CDKAL1: variants seen among roughly 807,000 people sequenced by gnomAD.
The protein encoded by CDKAL1 is CDKAL1 threonylcarbamoyladenosine tRNA methylthiotransferase.
A neutral mutation model predicts 68.2 loss-of-function variants in CDKAL1; 32 were observed. The observed-to-expected ratio is 0.47, with a 90% CI of 0.35 to 0.63. The LOEUF (loss-of-function observed/expected upper bound fraction) is 0.63. CDKAL1 is among the 30% of genes least tolerant of loss of function. CDKAL1 has a pLI of 0.00. For missense variants in CDKAL1, 606 were observed against 696.7 expected, an observed-to-expected ratio of 0.87 and a Z score of 1.47; for synonymous variants, 234 against 244.3, an observed-to-expected ratio of 0.96 and a Z score of 0.39.
chr6:20,639,453 C>G (rs900489356), intron 4 of CDKAL1, among the ~76,000 whole-genome samples: 1 of 152,108 alleles, frequency 6.6e-6, no homozygotes, highest in Admixed American at 6.5e-5. Context: ...CTCCTCTACT[C>G]TTTCCTCCTT....
At chr6:20,915,589 T>A (rs1274194268) in intron 9 of CDKAL1, among the ~76,000 whole-genome samples, 1 of 152,208 alleles carries the variant, frequency 6.6e-6, no homozygotes, top group Admixed American at 6.5e-5. Context: ...TTATGACATC[T>A]GGTCTGGTGT....
At chr6:21,204,860 G>A (rs555927295) in intron 15 of CDKAL1, among the ~76,000 whole-genome samples, 2 of 152,258 alleles carry the variant, frequency 1.3e-5, no homozygotes, top group South Asian at 4.1e-4. Context: ...GTGGTGTTAA[G>A]TACATTCTCA....
At chr6:21,185,637 A>ATGTG (rs1777978273) in intron 13 of CDKAL1, among the ~76,000 whole-genome samples, 1 of 152,154 alleles carries the variant, frequency 6.6e-6, no homozygotes, top group Admixed American at 6.5e-5. Context: ...CTACGTATCT[A>ATGTG]TGTGTGTGTG....
chr6:21,118,890 A>G (rs1270755677), intron 13 of CDKAL1, among the ~76,000 whole-genome samples: 1 of 152,232 alleles, frequency 6.6e-6, no homozygotes, highest in Non-Finnish European at 1.5e-5. Context: ...ATTACGTTGA[A>G]GTATAACAAT....
intron 9 of CDKAL1, among the ~76,000 whole-genome samples, chr6:20,888,828 C>T (rs1298803059): frequency 6.6e-6 from 1 of 152,090 alleles, no homozygotes; most frequent in Non-Finnish European, 1.5e-5. Flanking sequence ...CCGCAGTAAA[C>T]ATACGTGTGC....
chr6:20,746,445 C>G (rs547270023), intron 6 of CDKAL1, among the ~76,000 whole-genome samples: 1 of 152,306 alleles, frequency 6.6e-6, no homozygotes, highest in South Asian at 2.1e-4. Flanking sequence ...TGCTCACGGG[C>G]TTGTGAGTTC....
chr6:21,228,739 T>G (rs1056932990), intron 15 of CDKAL1, among the ~76,000 whole-genome samples: 2 of 152,216 alleles, frequency 1.3e-5, no homozygotes, highest in African/African-American at 4.8e-5. Context: ...GGAACTCACA[T>G]AGTTCCTATC....
At chr6:21,004,702 C>T (rs1341879954) in intron 11 of CDKAL1, among the ~76,000 whole-genome samples, 1 of 152,118 alleles carries the variant, frequency 6.6e-6, no homozygotes, top group Admixed American at 6.5e-5. Flanking sequence ...CAGTGGCTGA[C>T]ACCTGTAATC....
chr6:20,650,231 T>G (rs1768691742), intron 5 of CDKAL1, among the ~76,000 whole-genome samples: 3 of 152,182 alleles, frequency 2.0e-5, no homozygotes, highest in Admixed American at 2.0e-4. Context: ...CATCTGTTGT[T>G]TGTTGACTTT....
chr6:20,981,551 T>G (rs1305216655), intron 10 of CDKAL1, among the ~76,000 whole-genome samples: 4 of 152,022 alleles, frequency 2.6e-5, no homozygotes, highest in Non-Finnish European at 4.4e-5. Context: ...TATAGAAAAT[T>G]TTTGATGAGG....
chr6:21,023,816 T>G (rs1768811035), intron 11 of CDKAL1, among the ~76,000 whole-genome samples: 1 of 152,210 alleles, frequency 6.6e-6, no homozygotes, highest in Non-Finnish European at 1.5e-5. Flanking sequence ...ATCATATCCA[T>G]TTAGCTTTTT....
chr6:20,710,078 A>G (rs17226450), intron 5 of CDKAL1, among the ~76,000 whole-genome samples: 5,609 of 152,262 alleles, frequency 0.037, 110 homozygotes, highest in Middle Eastern at 0.078. Context: ...TGATTTCCTG[A>G]GCTTCAAGTT....
chr6:20,551,984 C>G (rs1482569620), intron 4 of CDKAL1, among the ~76,000 whole-genome samples: 1 of 151,318 alleles, frequency 6.6e-6, no homozygotes, highest in African/African-American at 2.4e-5. Flanking sequence ...CTACCTCAGC[C>G]TCCCAAGTAG....
At chr6:20,774,774 T>C (rs1775102607) in intron 7 of CDKAL1, among the ~76,000 whole-genome samples, 1 of 152,238 alleles carries the variant, frequency 6.6e-6, no homozygotes, top group South Asian at 2.1e-4. Context: ...ATAATAATTT[T>C]AGTTGGTAAA....
rs145893325 is a variant in CDKAL1 at position 20,721,725 on chromosome 6, G to GTTTTTTTTTTTTTTTTTTTT, written c.372-17788_372-17769dup. On this transcript the variant is annotated intron_variant, in intron 5 of 15. Coordinates refer to ENST00000274695, the MANE Select transcript of CDKAL1 (RefSeq NM_017774.3). ...CTTCTCTGCACCCTGACCAACTTCT[G>GTTTTTTTTTTTTTTTTTTTT]TTTTTTTTTTTTTTTTTTTTTTTTT... 3.4e-4 allele frequency among the ~76,000 whole-genome samples: 23 copies of GTTTTTTTTTTTTTTTTTTTT among 67,376 alleles called. 2 individuals carry two copies. Among genetic ancestry groups the GTTTTTTTTTTTTTTTTTTTT allele is most frequent in the Non-Finnish European group, 4.2e-4 (16 of 37,672 alleles). The allele number at this position is 67,376 out of a possible 152,430, so 44.2% of individuals were successfully genotyped here.
intron 11 of CDKAL1, among the ~76,000 whole-genome samples, chr6:21,005,867 G>C (rs1330405496): frequency 1.3e-5 from 2 of 152,128 alleles, no homozygotes; most frequent in African/African-American, 2.4e-5. Context: ...ATGGGTAAAG[G>C]GGAATCTTTT....
chr6:20,612,223 G>C (rs2127723291), intron 4 of CDKAL1, among the ~76,000 whole-genome samples: 1 of 152,210 alleles, frequency 6.6e-6, no homozygotes, highest in Admixed American at 6.5e-5. Flanking sequence ...GGAAGTGCAG[G>C]TATCCTTTTG....
chr6:20,549,931 G>A (rs935472862), intron 4 of CDKAL1, among the ~76,000 whole-genome samples: 1 of 151,360 alleles, frequency 6.6e-6, no homozygotes, highest in Non-Finnish European at 1.5e-5. Context: ...ATTAATTGGA[G>A]TTTTTCTCTA....
At chr6:20,745,628 A>G (rs776648326) in intron 6 of CDKAL1, among the ~76,000 whole-genome samples, 19 of 152,270 alleles carry the variant, frequency 1.2e-4, no homozygotes, top group Non-Finnish European at 2.5e-4. Context: ...GTAGTATATC[A>G]TAGTGATTAA....
Sources: gnomAD v4.1 joint callset for allele counts (sites outside exome capture counted in the v4.1 genomes callset) on GRCh38, gnomAD v4.1.1 for gene constraint, MANE v1.5 for transcripts, NCBI Gene and HGNC (gene_info 2026-07-23, HGNC 2026-07-21) for gene names.